The following ARHGAP26 variants were observed in gnomAD, a reference collection of about 807,000 sequenced individuals.
The protein encoded by ARHGAP26 is rho GTPase-activating protein 26.
Under a neutral mutation model 104.8 loss-of-function variants are expected in ARHGAP26, and 38 were observed. That is an observed-to-expected ratio of 0.36 (90% CI 0.28 to 0.48). The LOEUF is 0.48. Among genes scored for constraint, ARHGAP26 ranks in the 20% least tolerant of loss-of-function variants. The probability of loss-of-function intolerance (pLI) is 0.99; values close to 1 mark genes in which losing one functional copy is unlikely to be tolerated. For synonymous variants in ARHGAP26, 341 were observed against 340.0 expected (o/e 1.00, Z -0.03); for missense variants, 704 against 947.9 (o/e 0.74, Z 3.38).
At chr5:142,874,679 C>A (rs1353939670) in intron 2 of ARHGAP26, among the ~76,000 whole-genome samples, 1 of 152,170 alleles carries the variant, frequency 6.6e-6, no homozygotes, top group East Asian at 1.9e-4. Flanking sequence ...GCTTCCAATG[C>A]CAGCAGCATT....
Position 143,086,749 on chromosome 5 carries a change from G to A in ARHGAP26, c.1538+29002G>A, listed in dbSNP as rs113998075. On this transcript the variant is annotated intron_variant, in intron 17 of 22. Transcript: ENST00000645722. ...CTTTGGCTATAAATTTTCTTGTCCAGCCTAAGTCCACATCTTGAGTCTTCC... is the reference window on the plus strand; with the variant it reads ...CTTTGGCTATAAATTTTCTTGTCCAACCTAAGTCCACATCTTGAGTCTTCC... 5.3e-5 allele frequency among the ~76,000 whole-genome samples: 8 copies of A among 152,280 alleles called. No individual in the cohort carries two copies. The East Asian group carries it at 1.5e-3, about 29-fold the overall frequency.
chr5:142,913,697 G>T (rs1387866270), intron 10 of ARHGAP26, among the ~76,000 whole-genome samples: 1 of 152,076 alleles, frequency 6.6e-6, no homozygotes, highest in Non-Finnish European at 1.5e-5. Flanking sequence ...TTAGTATAAT[G>T]ATTCGAAAGG....
At chr5:142,933,803 G>C (rs558482363) in intron 11 of ARHGAP26, among the ~76,000 whole-genome samples, 1 of 152,318 alleles carries the variant, frequency 6.6e-6, no homozygotes, top group South Asian at 2.1e-4. Flanking sequence ...AGAAGAAGAG[G>C]AGAAAGGATA....
At chr5:143,087,132 A>G (rs1434712882) in intron 17 of ARHGAP26, among the ~76,000 whole-genome samples, 1 of 152,212 alleles carries the variant, frequency 6.6e-6, no homozygotes, top group Non-Finnish European at 1.5e-5. Context: ...TTCAGAGTGT[A>G]GTCACTACCT....
intron 8 of ARHGAP26, among the ~76,000 whole-genome samples, chr5:142,906,741 C>T (rs912321580): frequency 2.0e-5 from 3 of 152,200 alleles, no homozygotes; most frequent in Non-Finnish European, 4.4e-5. Context: ...TTCATTTGTC[C>T]TTGACGGCCC....
intron 1 of ARHGAP26, among the ~76,000 whole-genome samples, chr5:142,852,403 C>T (rs1455794926): frequency 1.3e-5 from 2 of 152,224 alleles, no homozygotes; most frequent in South Asian, 2.1e-4. Flanking sequence ...AGGTCAAAGG[C>T]ATTCTTGGGA....
chr5:143,029,958 T>C (rs1316451803), intron 12 of ARHGAP26, among the ~76,000 whole-genome samples: 1 of 152,014 alleles, frequency 6.6e-6, no homozygotes, highest in African/African-American at 2.4e-5. Context: ...CTCCCCAGGG[T>C]TTGGTTAGAA....
chr5:143,124,144 C>T (rs246598), intron 18 of ARHGAP26, among the ~76,000 whole-genome samples: 15,427 of 152,186 alleles, frequency 0.1, 1,485 homozygotes, highest in African/African-American at 0.24. Flanking sequence ...AAAGTATATA[C>T]CCCCCATAGC....
At chr5:143,090,640 AG>A (rs1791280104) in intron 17 of ARHGAP26, among the ~76,000 whole-genome samples, 1 of 152,164 alleles carries the variant, frequency 6.6e-6, no homozygotes, top group Non-Finnish European at 1.5e-5. Flanking sequence ...GGAGAACTTG[AG>A]GGTTTGAGAT....
chr5:143,150,484 G>A (rs1318944238), intron 20 of ARHGAP26, among the ~76,000 whole-genome samples: 1 of 152,214 alleles, frequency 6.6e-6, no homozygotes, highest in Non-Finnish European at 1.5e-5. Flanking sequence ...GGAGTGTGAG[G>A]TGGGCATTAG....
chr5:142,800,523 C>T (rs1008405524), intron 1 of ARHGAP26, among the ~76,000 whole-genome samples: 2 of 152,098 alleles, frequency 1.3e-5, no homozygotes, highest in East Asian at 1.9e-4. Flanking sequence ...CCACCACGCT[C>T]AGCTAATTTT....
Position 143,147,338 on chromosome 5 carries a change from G to A in ARHGAP26, c.1945G>A (p.Asp649Asn), listed in dbSNP as rs1799291709. ...CTTACAGCCCAACATGAACTCCAGT[G>A]ACCCAGACCTGGCTGTGGTCAAACC... is the stretch of plus-strand genomic sequence containing the variant. Reference protein sequence around the residue: ...SSLQPNMNSSDPDLAVVKPTR... With the variant: ...SSLQPNMNSSNPDLAVVKPTR... Residue 649 changes from aspartate to asparagine, a missense_variant, in exon 20 of 23, where the codon GAC (aspartate) becomes AAC (asparagine). Asp to Asn is a conservative substitution (Grantham distance 23, BLOSUM62 1). This residue lies in a region of ARHGAP26 where 217 missense variants were observed against 242.6 expected (regional missense o/e 0.89). Coordinates refer to ENST00000645722, the MANE Select transcript of ARHGAP26 (RefSeq NM_001135608.3). 6.2e-7 allele frequency: 1 copy of A among 1,613,974 alleles called. No homozygotes were observed. The highest frequency in any genetic ancestry group is 8.5e-7 in the Non-Finnish European group (1 of 1,179,958).
At chr5:142,784,236 A>G (rs1597602266) in intron 1 of ARHGAP26, among the ~76,000 whole-genome samples, 1 of 152,218 alleles carries the variant, frequency 6.6e-6, no homozygotes, top group East Asian at 1.9e-4. Flanking sequence ...GTTCCCCAGC[A>G]GGGAAGCTCT....
intron 20 of ARHGAP26, among the ~76,000 whole-genome samples, chr5:143,177,408 T>G (rs1055449211): frequency 5.9e-5 from 9 of 152,170 alleles, no homozygotes; most frequent in Non-Finnish European, 8.8e-5. Context: ...TGCTCCCCAG[T>G]GAAAACAGGA....
At chr5:142,823,524 T>A (rs2152084326) in intron 1 of ARHGAP26, among the ~76,000 whole-genome samples, 1 of 152,286 alleles carries the variant, frequency 6.6e-6, no homozygotes, top group East Asian at 1.9e-4. Flanking sequence ...CCACTCTTTT[T>A]GTTTTTGGAA....
chr5:143,004,521 G>A (rs1192066254), intron 11 of ARHGAP26, among the ~76,000 whole-genome samples: 1 of 152,164 alleles, frequency 6.6e-6, no homozygotes, highest in Non-Finnish European at 1.5e-5. Flanking sequence ...AGACAGAAGG[G>A]GGCTTAGGTC....
intron 1 of ARHGAP26, among the ~76,000 whole-genome samples, chr5:142,809,560 G>T (rs894599958): frequency 6.6e-6 from 1 of 152,346 alleles, no homozygotes; most frequent in South Asian, 2.1e-4. Context: ...CAAAAGTCCT[G>T]CAGTTAATCC....
intron 5 of ARHGAP26, among the ~76,000 whole-genome samples, chr5:142,888,730 AAAG>A (rs921665425): frequency 3.1e-4 from 47 of 152,218 alleles, no homozygotes; most frequent in African/African-American, 1.1e-3. Context: ...GAATGGTAAA[AAAG>A]CTCGCCTCAA....
At chr5:143,032,264 C>A (rs1435591896) in intron 12 of ARHGAP26, among the ~76,000 whole-genome samples, 1 of 144,696 alleles carries the variant, frequency 6.9e-6, no homozygotes, top group East Asian at 2.0e-4. Context: ...GTACACTGAG[C>A]AGAGCTGAAC....
Sources: allele counts gnomAD v4.1 joint callset (sites outside exome capture counted in the v4.1 genomes callset), GRCh38; gene constraint gnomAD v4.1.1; regional missense constraint gnomAD v4.1.1; transcripts MANE v1.5; gene names NCBI Gene and HGNC (gene_info 2026-07-23, HGNC 2026-07-21).